ATRNL1: variants seen among roughly 807,000 people sequenced by gnomAD.
ATRNL1 encodes the protein attractin like 1.
In ATRNL1, 95 loss-of-function variants were observed where a neutral mutation model predicts 182.7. The ratio of observed to expected loss-of-function variants is 0.52; its 90% CI spans 0.44 to 0.62. The LOEUF (loss-of-function observed/expected upper bound fraction) is 0.62, where lower values mean the gene tolerates loss of function less well. Ranked by LOEUF, ATRNL1 falls within the 20% of genes least tolerant of loss-of-function variation. The probability of loss-of-function intolerance (pLI) is 0.00; values close to 1 mark genes in which losing one functional copy is unlikely to be tolerated. For synonymous variants in ATRNL1, 576 were observed against 568.3 expected, an observed-to-expected ratio of 1.01 and a Z score of -0.19; for missense variants, 1,471 against 1,679.5, an observed-to-expected ratio of 0.88 and a Z score of 2.17.
At chr10:115,451,521 C>T (rs1847279911) in intron 21 of ATRNL1, among the ~76,000 whole-genome samples, 2 of 152,010 alleles carry the variant, frequency 1.3e-5, no homozygotes, top group African/African-American at 2.4e-5. Flanking sequence ...AGCTCAGTAT[C>T]GTTGATTGTA....
At chr10:115,450,866 C>G (rs1847247990) in intron 21 of ATRNL1, among the ~76,000 whole-genome samples, 1 of 152,152 alleles carries the variant, frequency 6.6e-6, no homozygotes, top group East Asian at 1.9e-4. Flanking sequence ...CGTTACCCAG[C>G]TTCAAACTAT....
intron 5 of ATRNL1, among the ~76,000 whole-genome samples, chr10:115,133,497 A>G (rs1207791916): frequency 1.3e-5 from 2 of 152,198 alleles, no homozygotes; most frequent in Non-Finnish European, 2.9e-5. Context: ...AGAAGAGCTG[A>G]CTATCCTAAA....
chr10:115,252,183 C>A (rs1485656280), intron 10 of ATRNL1, among the ~76,000 whole-genome samples: 1 of 152,090 alleles, frequency 6.6e-6, no homozygotes, highest in Non-Finnish European at 1.5e-5. Flanking sequence ...CCCGCCACCA[C>A]GCCCGGCTAA....
chr10:115,543,127 G>A (rs76747304), intron 25 of ATRNL1, among the ~76,000 whole-genome samples: 8,034 of 151,200 alleles, frequency 0.053, 679 homozygotes, highest in African/African-American at 0.18. Flanking sequence ...TTTGAGTTAG[G>A]TTTTCTGTTA....
intron 27 of ATRNL1, among the ~76,000 whole-genome samples, chr10:115,816,670 G>C (rs1351690670): frequency 6.6e-6 from 1 of 151,944 alleles, no homozygotes; most frequent in East Asian, 1.9e-4. Flanking sequence ...TACCTGTTAA[G>C]TTTCAGTCCT....
chr10:115,621,281 A>G (rs1207212413), intron 26 of ATRNL1, among the ~76,000 whole-genome samples: 4 of 61,940 alleles, frequency 6.5e-5, no homozygotes, highest in African/African-American at 1.9e-4. Flanking sequence ...ATATATAGAG[A>G]GAGAGAGAGA....
At chr10:115,141,114 G>A (rs1350862251) in intron 5 of ATRNL1, among the ~76,000 whole-genome samples, 1 of 152,070 alleles carries the variant, frequency 6.6e-6, no homozygotes, top group East Asian at 1.9e-4. Context: ...AAGAAGTTAA[G>A]AATGATTATG....
chr10:115,509,674 C>G (rs1850290124), intron 24 of ATRNL1, among the ~76,000 whole-genome samples: 1 of 151,944 alleles, frequency 6.6e-6, no homozygotes, highest in South Asian at 2.1e-4. Context: ...AATTAAGCCC[C>G]TTTTCTTTAT....
intron 26 of ATRNL1, among the ~76,000 whole-genome samples, chr10:115,570,251 C>T (rs1235338650): frequency 1.3e-5 from 2 of 152,170 alleles, no homozygotes; most frequent in Admixed American, 1.3e-4. Context: ...TATGAGCCAC[C>T]ACACCTGGCC....
intron 27 of ATRNL1, among the ~76,000 whole-genome samples, chr10:115,779,014 G>A (rs551160717): frequency 9.9e-5 from 15 of 152,202 alleles, no homozygotes; most frequent in African/African-American, 3.1e-4. Context: ...ATAAAAAGCC[G>A]ACTAGTTTTT....
chr10:115,573,664 A>C (rs1854539211), intron 26 of ATRNL1, among the ~76,000 whole-genome samples: 1 of 152,136 alleles, frequency 6.6e-6, no homozygotes, highest in African/African-American at 2.4e-5. Context: ...GGAATGTTAC[A>C]ACTCAGTGAG....
Position 115,946,537 on chromosome 10 carries a change from C to T in ATRNL1, c.*1758C>T, listed in dbSNP as rs782269214. 2.4e-4 allele frequency: 36 copies of T among 151,998 alleles called. No homozygotes were observed. The highest frequency in any genetic ancestry group is 4.4e-4 in the Non-Finnish European group (30 of 67,982). The allele number at this position is 151,998 out of a possible 1,614,324, so 9.4% of individuals were successfully genotyped here. A position where few individuals can be genotyped will look rare whatever the true frequency, so the allele number is the denominator to read the frequency against. On this transcript the variant is annotated 3_prime_UTR_variant, in exon 29 of 29. Transcript: ENST00000355044. ...GTTGGCATGATAATTTTGCTATTTTCCATGCATTAAAAATAAGACAAATTC... is the reference window on the plus strand; with the variant it reads ...GTTGGCATGATAATTTTGCTATTTTTCATGCATTAAAAATAAGACAAATTC...
chr10:115,484,321 A>G (rs139682524), intron 24 of ATRNL1, among the ~76,000 whole-genome samples: 2 of 151,610 alleles, frequency 1.3e-5, no homozygotes, highest in Non-Finnish European at 3.0e-5. Flanking sequence ...ATGCTATTTT[A>G]TATTTTAATT....
chr10:115,695,380 GAAGT>G, intron 26 of ATRNL1, among the ~76,000 whole-genome samples: 1 of 152,142 alleles, frequency 6.6e-6, no homozygotes, highest in East Asian at 1.9e-4. Flanking sequence ...TGAAAAGTAT[GAAGT>G]ATTTATAAAT....
chr10:115,437,458 C>A (rs1846454996), intron 21 of ATRNL1, among the ~76,000 whole-genome samples: 1 of 151,976 alleles, frequency 6.6e-6, no homozygotes, highest in African/African-American at 2.4e-5. Context: ...TTTTTTGAGG[C>A]ATCTTCCTGG....
chr10:115,326,156 A>G (rs2134047287), intron 18 of ATRNL1, among the ~76,000 whole-genome samples: 1 of 152,338 alleles, frequency 6.6e-6, no homozygotes, highest in East Asian at 1.9e-4. Context: ...CCCTGTTTGC[A>G]GATGACATGA....
chr10:115,368,716 A>AT (rs557325461), intron 19 of ATRNL1, among the ~76,000 whole-genome samples: 4,306 of 138,008 alleles, frequency 0.031, 148 homozygotes, highest in African/African-American at 0.083. Context: ...ATTCGATTCT[A>AT]TTTTTTTTTT....
chr10:115,861,068 G>C (rs1212726558), intron 28 of ATRNL1, among the ~76,000 whole-genome samples: 1 of 152,050 alleles, frequency 6.6e-6, no homozygotes, highest in East Asian at 1.9e-4. Context: ...CTGTATTTCT[G>C]TTTGTTCTGG....
intron 8 of ATRNL1, among the ~76,000 whole-genome samples, chr10:115,191,591 C>A (rs1220276965): frequency 6.6e-6 from 1 of 151,966 alleles, no homozygotes. Context: ...AGGAATAGAC[C>A]AGGTAGAGGT....
Sources: allele counts gnomAD v4.1 joint callset (sites outside exome capture counted in the v4.1 genomes callset), GRCh38; gene constraint gnomAD v4.1.1; transcripts MANE v1.5; gene names NCBI Gene and HGNC (gene_info 2026-07-23, HGNC 2026-07-21).